Variants in PFKP observed in about 807,000 individuals in gnomAD.
The protein encoded by PFKP is ATP-dependent 6-phosphofructokinase, platelet type.
In PFKP, 101 loss-of-function variants were observed where a neutral mutation model predicts 94.3. The observed-to-expected ratio is 1.07, with a 90% CI of 0.91 to 1.26. The LOEUF (loss-of-function observed/expected upper bound fraction) is 1.26. Ranked by LOEUF, PFKP falls within the 50% of genes most tolerant of loss-of-function variation. The probability of loss-of-function intolerance (pLI) is 0.00; values close to 1 mark genes in which losing one functional copy is unlikely to be tolerated. For missense variants in PFKP, 1,145 were observed against 1,103.3 expected (o/e 1.04, Z -0.53); for synonymous variants, 573 against 432.6 (o/e 1.32, Z -4.03).
In PFKP at chr10:3,100,862, CAAAAAA is replaced by C. The variant is rs71294492; in HGVS notation, c.265-488_265-483del. ...TAAAAGGGGCAGCGAGTATGTGGTGCAAAAAAAAAAAAAAAAAAAATCCCCCTGGCC... is the reference window on the plus strand; with the variant it reads ...TAAAAGGGGCAGCGAGTATGTGGTGCAAAAAAAAAAAAAATCCCCCTGGCC... On this transcript the variant is annotated intron_variant, in intron 3 of 21. Transcript: ENST00000381125. The C allele has an allele frequency of 4.7e-3, 3,076 of 654,448 alleles. 2 individuals carry two copies. Among genetic ancestry groups the C allele is most frequent in the Non-Finnish European group, 5.3e-3 (2,132 of 400,900 alleles). 40.5% of individuals were successfully genotyped at this position (654,448 alleles called of 1,614,324 possible).
intron 13 of PFKP, among the ~76,000 whole-genome samples, chr10:3,115,168 A>G (rs563064733): frequency 6.6e-6 from 1 of 152,286 alleles, no homozygotes; most frequent in East Asian, 1.9e-4. Context: ...AAGCCCTGAG[A>G]CACACTTCTT....
At chr10:3,104,885 G>A (rs1835383501) in intron 5 of PFKP, 2 of 609,224 alleles carry the variant, frequency 3.3e-6, no homozygotes, top group Admixed American at 3.0e-5. Context: ...AGAGCGCAGA[G>A]GTGGCTCAAG....
intron 16 of PFKP, among the ~76,000 whole-genome samples, chr10:3,127,112 C>T (rs146414860): frequency 9.3e-4 from 142 of 152,366 alleles, no homozygotes; most frequent in African/African-American, 3.1e-3. Flanking sequence ...GAGGCACGGC[C>T]GGAGTGACTT....
chr10:3,121,236 A>G (rs11251727), intron 16 of PFKP, among the ~76,000 whole-genome samples: 69,175 of 152,080 alleles, frequency 0.45, 15,702 homozygotes, highest in East Asian at 0.48. Context: ...GGCAGTTGCT[A>G]ATCTCTGACC....
In PFKP at chr10:3,132,376, C is replaced by G. The variant is rs771300689; in HGVS notation, c.1849-4C>G. The G allele has an allele frequency of 6.2e-7, 1 of 1,604,562 alleles. No individual in the cohort carries two copies. Among genetic ancestry groups the G allele is most frequent in the South Asian group, 1.1e-5 (1 of 90,864 alleles). On this transcript the variant is annotated splice_region_variant and splice_polypyrimidine_tract_variant and intron_variant, in intron 17 of 21. Transcript: ENST00000381125. ...TGTCTGATTAACAAAATACTCTCTT[C>G]CAGTCCAACGTGGAGCACCTGACGG...
chr10:3,134,547 G>T lies in PFKP; in HGVS notation c.2087G>T (p.Trp696Leu), dbSNP rs1204373593. The change falls in exon 20 of 22, where the codon TGG (tryptophan) becomes TTG (leucine). Residue 696 changes from tryptophan to leucine, a missense_variant. Transcript: ENST00000381125. The stretch of plus-strand genomic sequence containing the variant: ...AAAATCTCTGCCAGAGCTATGGAGT[G>T]GATCACTGCAAAACTCAAGGAGGCC... ...GTKISARAME[W>L]ITAKLKEARG... is the part of the protein sequence containing the mutation. The T allele has an allele frequency of 1.2e-6, 2 of 1,613,882 alleles. No homozygotes were observed. The highest frequency in any genetic ancestry group is 1.7e-6 in the Non-Finnish European group (2 of 1,179,890).
chr10:3,108,557 G>A, intron 8 of PFKP, 144 bp from the exon 9 acceptor site: 2 of 628,834 alleles, frequency 3.2e-6, no homozygotes, highest in Non-Finnish European at 5.7e-6. Context: ...CGTTCTGCTA[G>A]GAAACAAAAT....
intron 15 of PFKP, 147 bp downstream of exon 15, chr10:3,119,016 A>G: frequency 1.6e-6 from 1 of 608,876 alleles, no homozygotes. Flanking sequence ...GTAGAACAGC[A>G]GGATAGCAGG....
In PFKP at chr10:3,131,129, GTTTT is replaced by G. The variant is rs916528769; in HGVS notation, c.1848+1149_1848+1152del. ...TATAATATATATTTTATAAAAAGAT[GTTTT>G]TTATCAAAAAATATGTATCTCTTAC... On this transcript the variant is annotated intron_variant, in intron 17 of 21. Transcript: ENST00000381125. Among the ~76,000 whole-genome samples the G allele has an allele frequency of 2.2e-4, 33 of 152,044 alleles. No homozygotes were observed. The East Asian group carries it at 4.8e-3, about 22-fold the overall frequency.
At chr10:3,111,095 T>A (rs2131594266) in intron 10 of PFKP, among the ~76,000 whole-genome samples, 1 of 152,246 alleles carries the variant, frequency 6.6e-6, no homozygotes, top group South Asian at 2.1e-4. Flanking sequence ...TGTGTGTGCA[T>A]GTATGCTTAT....
chr10:3,100,862 C>CAAAATAAAAAAAAAT (rs754923021), intron 3 of PFKP: 5 of 657,276 alleles, frequency 7.6e-6, no homozygotes, highest in Non-Finnish European at 1.2e-5. Context: ...GTATGTGGTG[C>CAAAATAAAAAAAAAT]AAAAAAAAAA....
At chr10:3,124,059 A>G (rs939114197) in intron 16 of PFKP, among the ~76,000 whole-genome samples, 3 of 139,640 alleles carry the variant, frequency 2.1e-5, no homozygotes, top group Non-Finnish European at 3.0e-5. Context: ...ACGGGTCTAC[A>G]CCCACTGTCC....
chr10:3,083,942 C>T (rs536809498), intron 2 of PFKP, among the ~76,000 whole-genome samples: 4 of 152,304 alleles, frequency 2.6e-5, no homozygotes, highest in East Asian at 1.9e-4. Flanking sequence ...CGCGCCCAGC[C>T]AACTGTTGCT....
rs535932085 is a variant in PFKP, at chr10:3,135,226, ATG to A, written c.2123-505_2123-504del. 3.0e-3 allele frequency among the ~76,000 whole-genome samples: 449 copies of A among 151,722 alleles called. 2 individuals are homozygous for A. The highest frequency in any genetic ancestry group is 0.01 in the African/African-American group (424 of 41,352). On this transcript the variant is annotated intron_variant, in intron 20 of 21. Transcript: ENST00000381125. ...CAGCTTTCTTAATCAGTCATAGCAG[ATG>A]TGTGCTTTTATTCCGGCAAACCACT...
rs535545849 is a variant in PFKP at position 3,069,207 on chromosome 10, C to G, written c.112+1500C>G. 2,018 of 1,296,588 alleles carry G rather than the reference C, an allele frequency of 1.6e-3. 13 individuals carry two copies. The African/African-American group carries it at 0.029, about 18-fold the overall frequency. 80.3% of individuals were successfully genotyped at this position (1,296,588 alleles called of 1,614,324 possible). ...CCGCCCCGCAGCCCGCCCTGCAGCG[C>G]CCCCGGGAAGTGCTCTGGCGTTAGC... On this transcript the variant is annotated intron_variant, in intron 1 of 21. Coordinates refer to ENST00000381125, the MANE Select transcript of PFKP (RefSeq NM_002627.5).
At chr10:3,117,072 G>C (rs1836911938) in intron 14 of PFKP, among the ~76,000 whole-genome samples, 2 of 152,216 alleles carry the variant, frequency 1.3e-5, no homozygotes, top group African/African-American at 4.8e-5. Context: ...ACTTGTGAAT[G>C]CCTTCCTCTA....
chr10:3,118,687 C>A (rs895055476), intron 14 of PFKP, 95 bp from the exon 15 acceptor site: 3 of 789,850 alleles, frequency 3.8e-6, no homozygotes, highest in Non-Finnish European at 6.5e-6. Flanking sequence ...AAACCACAGA[C>A]TGGGGAAGGC....
chr10:3,096,451 G>C (rs1161696234), intron 2 of PFKP, among the ~76,000 whole-genome samples: 2 of 152,200 alleles, frequency 1.3e-5, no homozygotes, highest in Non-Finnish European at 2.9e-5. Context: ...GTCTGTTTCA[G>C]TTTTGCCGGA....
In PFKP at chr10:3,136,791, CTA is replaced by C; in HGVS notation, c.*214_*215del. ...TGAGCAGAATTAATTAAACATTTGC[CTA>C]TGACTCCAACAGTCCTCTGTTTTAG... On this transcript the variant is annotated 3_prime_UTR_variant, in exon 22 of 22. Transcript: ENST00000381125. 1 of 473,622 alleles carries C rather than the reference CTA, an allele frequency of 2.1e-6. No individual in the cohort carries two copies. Among genetic ancestry groups the C allele is most frequent in the Non-Finnish European group, 3.8e-6 (1 of 261,874 alleles). The allele number at this position is 473,622 out of a possible 1,614,324, so 29.3% of individuals were successfully genotyped here.
Sources: gnomAD v4.1 joint callset for allele counts (sites outside exome capture counted in the v4.1 genomes callset) on GRCh38, gnomAD v4.1.1 for gene constraint, MANE v1.5 for transcripts, NCBI Gene and HGNC (gene_info 2026-07-23, HGNC 2026-07-21) for gene names.